The following MICU2 variants were observed in gnomAD, a reference collection of about 807,000 sequenced individuals.
MICU2 encodes the protein calcium uptake protein 2, mitochondrial.
In MICU2, 64 loss-of-function variants were observed where a neutral mutation model predicts 60.4. The ratio of observed to expected loss-of-function variants is 1.06; its 90% CI spans 0.87 to 1.31. The LOEUF (loss-of-function observed/expected upper bound fraction) is 1.31. Among genes scored for constraint, MICU2 ranks in the 50% most tolerant of loss-of-function variants. The probability of loss-of-function intolerance (pLI) is 0.00; values close to 1 mark genes in which losing one functional copy is unlikely to be tolerated. For synonymous variants in MICU2, 201 were observed against 175.0 expected, an observed-to-expected ratio of 1.15 and a Z score of -1.17; for missense variants, 569 against 531.0, an observed-to-expected ratio of 1.07 and a Z score of -0.70.
intron 9 of MICU2, among the ~76,000 whole-genome samples, chr13:21,497,516 C>T (rs558488798): frequency 3.0e-4 from 45 of 152,184 alleles, no homozygotes; most frequent in African/African-American, 1.0e-3. Flanking sequence ...GGAGACCAGA[C>T]TGGGCAACAT....
At chr13:21,537,795 T>C (rs1405369575) in intron 4 of MICU2, among the ~76,000 whole-genome samples, 7 of 152,122 alleles carry the variant, frequency 4.6e-5, no homozygotes, top group Non-Finnish European at 1.0e-4. Flanking sequence ...TCCTATTTTA[T>C]AAAGAAAATC....
intron 6 of MICU2, among the ~76,000 whole-genome samples, chr13:21,518,532 C>T (rs1711936958): frequency 6.6e-6 from 1 of 152,130 alleles, no homozygotes; most frequent in Non-Finnish European, 1.5e-5. Context: ...ACAGTGGGTC[C>T]AGTAATTCCA....
intron 3 of MICU2, 64 bp downstream of exon 3, chr13:21,539,593 C>T (rs1014010021): frequency 9.9e-5 from 159 of 1,603,846 alleles, no homozygotes; most frequent in Non-Finnish European, 1.1e-4. Flanking sequence ...CCACCGTGCC[C>T]GGCCAAAAGT....
chr13:21,587,474 T>C (rs1010129613), intron 1 of MICU2, among the ~76,000 whole-genome samples: 1 of 152,218 alleles, frequency 6.6e-6, no homozygotes, highest in Non-Finnish European at 1.5e-5. Flanking sequence ...ATGGCTTTAG[T>C]GTTATTTGTG....
At chr13:21,561,690 CTTT>C (rs34858728) in intron 2 of MICU2, among the ~76,000 whole-genome samples, 49 of 135,114 alleles carry the variant, frequency 3.6e-4, no homozygotes, top group South Asian at 2.6e-3. Flanking sequence ...AAGTGGGTTT[CTTT>C]TTTTTTTTTT....
At chr13:21,577,229 C>A (rs77288971) in intron 1 of MICU2, among the ~76,000 whole-genome samples, 4,133 of 152,284 alleles carry the variant, frequency 0.027, 73 homozygotes, top group African/African-American at 0.032. Flanking sequence ...ACTTGACTGA[C>A]TTACATTAAC....
intron 7 of MICU2, among the ~76,000 whole-genome samples, chr13:21,513,224 G>A (rs1228627529): frequency 6.6e-6 from 1 of 151,938 alleles, no homozygotes; most frequent in Non-Finnish European, 1.5e-5. Flanking sequence ...CAATCAATAG[G>A]CCTTTTATTT....
chr13:21,525,574 T>G (rs978254485), intron 4 of MICU2, among the ~76,000 whole-genome samples: 1 of 151,638 alleles, frequency 6.6e-6, no homozygotes, highest in Non-Finnish European at 1.5e-5. Context: ...TTTCTCCACA[T>G]CCTCAACGCT....
rs61447777 is a variant in MICU2 at position 21,603,906 on chromosome 13, G to T, written c.210+33C>A. ...AGGGCGTCAGGGGAGGGAGGAGCTTGACTGGGGCTAGCAGAAGGAGTTAGT... is the reference window on the plus strand; with the variant it reads ...AGGGCGTCAGGGGAGGGAGGAGCTTTACTGGGGCTAGCAGAAGGAGTTAGT... On this transcript the variant is annotated intron_variant, in intron 1 of 11. Coordinates refer to ENST00000382374, the MANE Select transcript of MICU2 (RefSeq NM_152726.3). The T allele has an allele frequency of 1.1e-3, 1,689 of 1,606,114 alleles. 23 individuals carry two copies. The African/African-American group carries it at 0.018, about 17-fold the overall frequency.
intron 1 of MICU2, among the ~76,000 whole-genome samples, chr13:21,582,028 G>T (rs566126716): frequency 6.6e-6 from 1 of 152,122 alleles, no homozygotes; most frequent in Non-Finnish European, 1.5e-5. Context: ...AAGCCACTGC[G>T]GGGTGCCTTC....
chr13:21,603,756 G>T, intron 1 of MICU2, 183 bp downstream of exon 1: 1 of 645,022 alleles, frequency 1.6e-6, no homozygotes, highest in Non-Finnish European at 2.6e-6. Context: ...GGCCCTCGGG[G>T]ACTCAGGCCG....
intron 4 of MICU2, among the ~76,000 whole-genome samples, chr13:21,536,847 T>A (rs112684351): frequency 6.6e-6 from 1 of 152,230 alleles, no homozygotes; most frequent in African/African-American, 2.4e-5. Context: ...GAGTGGTCCA[T>A]CTCTCAGATC....
chr13:21,549,473 A>G (rs938537754), intron 2 of MICU2, among the ~76,000 whole-genome samples: 8 of 152,172 alleles, frequency 5.3e-5, no homozygotes, highest in African/African-American at 1.9e-4. Flanking sequence ...TCGCAAAGAT[A>G]TGGGGTCACA....
At chr13:21,553,137 T>G (rs1344288200) in intron 2 of MICU2, among the ~76,000 whole-genome samples, 1 of 152,104 alleles carries the variant, frequency 6.6e-6, no homozygotes, top group East Asian at 1.9e-4. Flanking sequence ...CCTTGAAGAG[T>G]TCCTTCACAA....
chr13:21,498,626 A>G (rs2759373), intron 9 of MICU2, among the ~76,000 whole-genome samples: 144,400 of 152,022 alleles, frequency 0.95, 68,722 homozygotes, highest in East Asian at 1. Context: ...TGATTCACCC[A>G]CCTCAGCCTC....
chr13:21,592,470 T>G (rs1488258903), intron 1 of MICU2, among the ~76,000 whole-genome samples: 1 of 151,710 alleles, frequency 6.6e-6, no homozygotes, highest in African/African-American at 2.4e-5. Flanking sequence ...CTGAAACTAT[T>G]CCAAGTAACT....
chr13:21,511,474 AAGAAAATAACTTTTT>A (rs1886426053), intron 7 of MICU2, among the ~76,000 whole-genome samples: 1 of 152,214 alleles, frequency 6.6e-6, no homozygotes, highest in Non-Finnish European at 1.5e-5. Context: ...GAGACCTTTA[AAGAAAATAACTTTTT>A]ATTTTGGGAT....
intron 9 of MICU2, among the ~76,000 whole-genome samples, chr13:21,498,434 A>G (rs956905956): frequency 7.6e-6 from 1 of 131,380 alleles, no homozygotes; most frequent in African/African-American, 2.8e-5. Flanking sequence ...GCTGAAGCGC[A>G]ATGGCGCAAT....
At chr13:21,589,561 T>C (rs1390969646) in intron 1 of MICU2, among the ~76,000 whole-genome samples, 1 of 152,246 alleles carries the variant, frequency 6.6e-6, no homozygotes, top group Non-Finnish European at 1.5e-5. Context: ...AATATGTCAG[T>C]ATGTTCAATT....
Sources: gnomAD v4.1 joint callset for allele counts (sites outside exome capture counted in the v4.1 genomes callset) on GRCh38, gnomAD v4.1.1 for gene constraint, MANE v1.5 for transcripts, NCBI Gene and HGNC (gene_info 2026-07-23, HGNC 2026-07-21) for gene names.